The following PHF24 variants were observed in gnomAD, a reference collection of about 807,000 sequenced individuals.
PHF24 encodes the protein PHD finger protein 24.
A neutral mutation model predicts 42.6 loss-of-function variants in PHF24; 25 were observed. The observed-to-expected ratio is 0.59, with a 90% CI of 0.43 to 0.82. The LOEUF (loss-of-function observed/expected upper bound fraction) is 0.82. Ranked by LOEUF, PHF24 falls within the 40% of genes least tolerant of loss-of-function variation. PHF24 has a pLI of 0.00. For synonymous variants in PHF24, 185 were observed against 204.8 expected, an observed-to-expected ratio of 0.90 and a Z score of 0.83; for missense variants, 470 against 538.1, an observed-to-expected ratio of 0.87 and a Z score of 1.25.
the PHF24 span, among the ~76,000 whole-genome samples, chr9:34,732,927 A>G: frequency 1.3e-5 from 2 of 152,140 alleles, no homozygotes; most frequent in Non-Finnish European, 2.9e-5. Context: ...CTTATTTTCA[A>G]TCCTATATCC....
At chr9:34,801,542 A>G in the PHF24 span, among the ~76,000 whole-genome samples, 5 of 152,164 alleles carry the variant, frequency 3.3e-5, no homozygotes, top group Non-Finnish European at 2.9e-5. Flanking sequence ...CCTGGCTAAC[A>G]TGGTGAAACC....
the PHF24 span, among the ~76,000 whole-genome samples, chr9:34,730,911 T>TG: frequency 6.6e-6 from 1 of 152,218 alleles, no homozygotes; most frequent in Non-Finnish European, 1.5e-5. Context: ...AAGGGTGGAC[T>TG]GGAGAGCAAT....
the PHF24 span, among the ~76,000 whole-genome samples, chr9:34,880,965 C>T: frequency 6.6e-6 from 1 of 152,102 alleles, no homozygotes. Context: ...AAGTAAAGCA[C>T]ACTCCTCAGC....
At chr9:34,908,736 C>T in the PHF24 span, among the ~76,000 whole-genome samples, 8 of 152,014 alleles carry the variant, frequency 5.3e-5, no homozygotes, top group Non-Finnish European at 1.0e-4. Flanking sequence ...AGTATGGTGT[C>T]CTTTGGACAG....
the PHF24 span, among the ~76,000 whole-genome samples, chr9:34,855,248 T>C: frequency 6.6e-6 from 1 of 152,244 alleles, no homozygotes; most frequent in East Asian, 1.9e-4. Flanking sequence ...CTGTATCTTT[T>C]AATTGGGGCA....
At chr9:34,754,127 C>T in the PHF24 span, among the ~76,000 whole-genome samples, 1 of 152,012 alleles carries the variant, frequency 6.6e-6, no homozygotes. Flanking sequence ...TCTACAAGTA[C>T]AGTCAACCAA....
chr9:34,976,076 C>T lies in PHF24; in HGVS notation c.565-76C>T, dbSNP rs1269048802. 5.0e-6 allele frequency: 5 copies of T among 999,600 alleles called. No individual in the cohort carries two copies. In the Admixed American group the frequency reaches 8.7e-5, roughly 17 times the overall value. 61.9% of individuals were successfully genotyped at this position (999,600 alleles called of 1,614,324 possible). A position where few individuals can be genotyped will look rare whatever the true frequency, so the allele number is the denominator to read the frequency against. ...TTGGAACTGCTTTCCAGTTGAAATT[C>T]TATTTCTAGCCCCCTTGACCCTGGC... On this transcript the variant is annotated intron_variant, in intron 3 of 7. Coordinates refer to ENST00000242315, the Ensembl canonical transcript of PHF24.
At chr9:34,671,312 T>A in the PHF24 span, among the ~76,000 whole-genome samples, 1 of 152,168 alleles carries the variant, frequency 6.6e-6, no homozygotes, top group Non-Finnish European at 1.5e-5. Context: ...CTGAGTCCAG[T>A]GGGAGAACAC....
chr9:34,926,272 C>A, the PHF24 span, among the ~76,000 whole-genome samples: 1 of 152,202 alleles, frequency 6.6e-6, no homozygotes. This position sits in a 1 kb window ranked among gnomAD's most constrained non-coding sequence, Gnocchi z 4.3. Context: ...TATTTGGCCA[C>A]CCTGGGGACA....
chr9:34,741,047 G>C, the PHF24 span, among the ~76,000 whole-genome samples: 1 of 151,604 alleles, frequency 6.6e-6, no homozygotes, highest in African/African-American at 2.4e-5. Flanking sequence ...CACCATGCCC[G>C]GCTAATTTTT....
At chr9:34,746,410 A>G in the PHF24 span, among the ~76,000 whole-genome samples, 12 of 152,236 alleles carry the variant, frequency 7.9e-5, no homozygotes, top group African/African-American at 2.9e-4. Context: ...TTAGCAACCT[A>G]AACAAAAGAT....
chr9:34,891,730 A>C, the PHF24 span, among the ~76,000 whole-genome samples: 3 of 152,162 alleles, frequency 2.0e-5, no homozygotes, highest in Non-Finnish European at 2.9e-5. Context: ...GACTTCCCCA[A>C]TCAAAGAGTG....
chr9:34,875,566 C>A, the PHF24 span, among the ~76,000 whole-genome samples: 1 of 151,976 alleles, frequency 6.6e-6, no homozygotes, highest in Non-Finnish European at 1.5e-5. Context: ...ACGGCAGGAT[C>A]ATTTCATAAA....
chr9:34,972,558 AGGACTTG>A (rs1320215760), intron 3 of PHF24, 27 bp downstream of exon 3: 4 of 1,559,422 alleles, frequency 2.6e-6, no homozygotes, highest in Non-Finnish European at 2.6e-6. Flanking sequence ...GGGACAGCAG[AGGACTTG>A]GCACTTTTCC....
At chr9:34,865,646 T>C in the PHF24 span, among the ~76,000 whole-genome samples, 1 of 152,118 alleles carries the variant, frequency 6.6e-6, no homozygotes, top group African/African-American at 2.4e-5. Flanking sequence ...AAACATACAA[T>C]GGATACACAA....
chr9:34,669,343 C>T, the PHF24 span, among the ~76,000 whole-genome samples: 1 of 152,156 alleles, frequency 6.6e-6, no homozygotes, highest in Middle Eastern at 3.4e-3. Context: ...CCCTGCCATG[C>T]CCCTCCGTAC....
At chr9:34,676,585 G>T in the PHF24 span, among the ~76,000 whole-genome samples, 2 of 152,144 alleles carry the variant, frequency 1.3e-5, no homozygotes, top group Non-Finnish European at 2.9e-5. Context: ...TGCCTATTTG[G>T]GATTTCCTTG....
At chr9:34,729,460 C>G in the PHF24 span, 2 of 1,527,242 alleles carry the variant, frequency 1.3e-6, no homozygotes, top group Non-Finnish European at 1.8e-6. Flanking sequence ...GATCAACCAT[C>G]CCTCTATCTC....
At chr9:34,837,787 C>T in the PHF24 span, 3 of 857,694 alleles carry the variant, frequency 3.5e-6, no homozygotes, top group Middle Eastern at 4.4e-4. Flanking sequence ...TTTTCCACTC[C>T]CTTTCTATAT....
Sources: allele counts gnomAD v4.1 joint callset (sites outside exome capture counted in the v4.1 genomes callset), GRCh38; gene constraint gnomAD v4.1.1; non-coding constraint Gnocchi (gnomAD v3.1); transcripts MANE v1.5; gene names NCBI Gene and HGNC (gene_info 2026-07-23, HGNC 2026-07-21).